The following SCAPER variants were observed in gnomAD, a reference collection of about 807,000 sequenced individuals.
SCAPER encodes the protein S-phase cyclin A associated protein in the ER.
Under a neutral mutation model 182.2 loss-of-function variants are expected in SCAPER, and 98 were observed. The observed-to-expected ratio is 0.54, with a 90% CI of 0.46 to 0.64. The LOEUF is 0.64. Ranked by LOEUF, SCAPER falls within the 30% of genes least tolerant of loss-of-function variation. The probability of loss-of-function intolerance (pLI) is 0.00; values close to 1 mark genes in which losing one functional copy is unlikely to be tolerated. For missense variants in SCAPER, 1,432 were observed against 1,690.0 expected, an observed-to-expected ratio of 0.85 and a Z score of 2.68; for synonymous variants, 605 against 564.6, an observed-to-expected ratio of 1.07 and a Z score of -1.01.
At chr15:76,574,781 T>G (rs182055911) in intron 22 of SCAPER, among the ~76,000 whole-genome samples, 1 of 152,308 alleles carries the variant, frequency 6.6e-6, no homozygotes, top group African/African-American at 2.4e-5. Flanking sequence ...CGACAGAACA[T>G]TTATTTAGTT....
At chr15:76,788,765 A>G (rs1408064197) in intron 8 of SCAPER, among the ~76,000 whole-genome samples, 1 of 152,228 alleles carries the variant, frequency 6.6e-6, no homozygotes, top group African/African-American at 2.4e-5. Context: ...CAAATACACA[A>G]TATAGAGAAA....
At chr15:76,890,805 C>G (rs1443376015) in intron 1 of SCAPER, among the ~76,000 whole-genome samples, 1 of 152,202 alleles carries the variant, frequency 6.6e-6, no homozygotes, top group Non-Finnish European at 1.5e-5. Context: ...GGAATCCTCC[C>G]TAACTCATTT....
chr15:76,869,769 TAAAGG>T (rs1017233166), intron 2 of SCAPER, among the ~76,000 whole-genome samples: 3 of 152,036 alleles, frequency 2.0e-5, no homozygotes, highest in Non-Finnish European at 2.9e-5. Context: ...ATATCCAAAA[TAAAGG>T]AAACTAATAT....
chr15:76,697,078 T>C (rs566259857), intron 20 of SCAPER, among the ~76,000 whole-genome samples: 1 of 152,082 alleles, frequency 6.6e-6, no homozygotes, highest in Non-Finnish European at 1.5e-5. Flanking sequence ...AGGTCAGAGG[T>C]AATATAAATA....
intron 22 of SCAPER, among the ~76,000 whole-genome samples, chr15:76,592,013 T>C (rs2049150368): frequency 6.6e-6 from 1 of 152,150 alleles, no homozygotes; most frequent in South Asian, 2.1e-4. Flanking sequence ...TGAGCTGATA[T>C]TGCACCATTG....
rs148242320 is a variant in SCAPER, at chr15:76,703,442, A to G, written c.2248-440T>C. 1.2e-3 allele frequency among the ~76,000 whole-genome samples: 186 copies of G among 152,256 alleles called. 2 individuals carry two copies. Among genetic ancestry groups the G allele is most frequent in the Middle Eastern group, 3.4e-3 (1 of 294 alleles). ...CATGGGAAATGTTAACCTACGGGTA[A>G]AGCATATGCTTATCCATACAGCAGG... On this transcript the variant is annotated intron_variant, in intron 18 of 31. Coordinates refer to ENST00000563290, the MANE Select transcript of SCAPER (RefSeq NM_020843.4).
At chr15:76,750,935 AG>A (rs1286097607) in intron 15 of SCAPER, among the ~76,000 whole-genome samples, 1 of 151,862 alleles carries the variant, frequency 6.6e-6, no homozygotes, top group African/African-American at 2.4e-5. Context: ...TTTAGAAAGT[AG>A]TAAGATTATC....
intron 2 of SCAPER, among the ~76,000 whole-genome samples, chr15:76,864,056 A>C (rs563372422): frequency 6.6e-6 from 1 of 152,302 alleles, no homozygotes; most frequent in Non-Finnish European, 1.5e-5. Context: ...CCAGTACCCA[A>C]GCCAACATCA....
At chr15:76,873,536 T>C (rs908714995) in intron 2 of SCAPER, among the ~76,000 whole-genome samples, 1 of 152,160 alleles carries the variant, frequency 6.6e-6, no homozygotes, top group Non-Finnish European at 1.5e-5. Context: ...AATGTGCACA[T>C]ATCTAACACA....
intron 15 of SCAPER, among the ~76,000 whole-genome samples, chr15:76,748,865 G>C (rs1172056600): frequency 6.6e-6 from 1 of 151,300 alleles, no homozygotes; most frequent in Non-Finnish European, 1.5e-5. Context: ...AAAACTTTTA[G>C]GCAAAAATCT....
At chr15:76,365,096 G>C (rs892551909) in intron 29 of SCAPER, among the ~76,000 whole-genome samples, 1 of 152,116 alleles carries the variant, frequency 6.6e-6, no homozygotes, top group African/African-American at 2.4e-5. Flanking sequence ...CTGGAACAGT[G>C]CCTGGCACAC....
chr15:76,599,310 G>C (rs1040994716), intron 22 of SCAPER, among the ~76,000 whole-genome samples: 2 of 121,962 alleles, frequency 1.6e-5, no homozygotes, highest in African/African-American at 5.0e-5. Flanking sequence ...CACATTGTTG[G>C]AAAGTAGGTA....
chr15:76,373,433 C>G (rs1002150924), intron 29 of SCAPER, among the ~76,000 whole-genome samples: 2 of 149,760 alleles, frequency 1.3e-5, no homozygotes, highest in African/African-American at 4.9e-5. Flanking sequence ...AATGGATGCA[C>G]ATGAAGAAAA....
At chr15:76,718,368 T>A (rs1351627373) in intron 17 of SCAPER, among the ~76,000 whole-genome samples, 1 of 152,108 alleles carries the variant, frequency 6.6e-6, no homozygotes, top group Admixed American at 6.6e-5. Flanking sequence ...TTAGTCCATA[T>A]ATCTAATAGA....
intron 24 of SCAPER, among the ~76,000 whole-genome samples, chr15:76,486,122 G>A (rs1395412883): frequency 1.3e-5 from 2 of 152,052 alleles, no homozygotes; most frequent in Non-Finnish European, 2.9e-5. Flanking sequence ...CAGGAGAATG[G>A]CATGAACCCG....
chr15:76,625,467 G>T (rs1445228587), intron 21 of SCAPER, among the ~76,000 whole-genome samples: 1 of 152,174 alleles, frequency 6.6e-6, no homozygotes, highest in East Asian at 1.9e-4. Context: ...GGGCAGTAGG[G>T]TCTTTGACAA....
chr15:76,387,653 G>A (rs1397034540), intron 27 of SCAPER, among the ~76,000 whole-genome samples: 1 of 152,186 alleles, frequency 6.6e-6, no homozygotes, highest in Non-Finnish European at 1.5e-5. Context: ...ATAGTCACCA[G>A]TAGGGTAAGA....
intron 22 of SCAPER, among the ~76,000 whole-genome samples, chr15:76,607,639 C>T (rs1264055915): frequency 2.6e-5 from 4 of 152,214 alleles, no homozygotes; most frequent in African/African-American, 4.8e-5. Flanking sequence ...TTCTCCCCGT[C>T]ACTTTCAGGT....
chr15:76,579,012 T>A (rs936401737), intron 22 of SCAPER, among the ~76,000 whole-genome samples: 2 of 151,982 alleles, frequency 1.3e-5, no homozygotes, highest in African/African-American at 4.8e-5. Flanking sequence ...AAAAATAATT[T>A]AAAATAATCT....
Sources: allele counts gnomAD v4.1 joint callset (sites outside exome capture counted in the v4.1 genomes callset), GRCh38; gene constraint gnomAD v4.1.1; transcripts MANE v1.5; gene names NCBI Gene and HGNC (gene_info 2026-07-23, HGNC 2026-07-21).